SLIT2: variants seen among roughly 807,000 people sequenced by gnomAD.
SLIT2 encodes slit homolog 2 protein.
In SLIT2, 41 loss-of-function variants were observed where a neutral mutation model predicts 185.7. The ratio of observed to expected loss-of-function variants is 0.22; its 90% CI spans 0.17 to 0.29. SLIT2 has a LOEUF of 0.29. SLIT2 is among the 10% of genes least tolerant of loss of function. The pLI, the probability that SLIT2 is intolerant of heterozygous loss-of-function variation, is 1.00. For synonymous variants in SLIT2, 693 were observed against 680.2 expected (o/e 1.02, Z -0.29); for missense variants, 1,571 against 1,909.0 (o/e 0.82, Z 3.30).
At chr4:20,259,910 C>T (rs1259605250) in intron 3 of SLIT2, among the ~76,000 whole-genome samples, 1 of 151,716 alleles carries the variant, frequency 6.6e-6, no homozygotes, top group Non-Finnish European at 1.5e-5. Context: ...TTTACAACTG[C>T]CAAATCCATC....
intron 4 of SLIT2, among the ~76,000 whole-genome samples, chr4:20,438,019 A>G (rs1161331606): frequency 6.6e-6 from 1 of 151,882 alleles, no homozygotes; most frequent in Non-Finnish European, 1.5e-5. Flanking sequence ...AATACTCTAC[A>G]TTCACAATAT....
intron 20 of SLIT2, among the ~76,000 whole-genome samples, chr4:20,541,914 T>G (rs1458366631): frequency 6.6e-6 from 1 of 152,222 alleles, no homozygotes; most frequent in Non-Finnish European, 1.5e-5. Flanking sequence ...AGGCATGTTT[T>G]TTAGTACCTA....
At chr4:20,414,129 T>A (rs1023614532) in intron 4 of SLIT2, among the ~76,000 whole-genome samples, 2 of 152,170 alleles carry the variant, frequency 1.3e-5, no homozygotes, top group African/African-American at 4.8e-5. Flanking sequence ...GTTTTTATAT[T>A]TGTTTATTTT....
chr4:20,443,582 T>TAAAAAAAA (rs71653885), intron 4 of SLIT2, among the ~76,000 whole-genome samples: 13 of 63,052 alleles, frequency 2.1e-4, no homozygotes, highest in Admixed American at 7.0e-4. Flanking sequence ...GGAGAAAATC[T>TAAAAAAAA]AAAAAAAAAA....
At chr4:20,571,168 C>T (rs1725574335) in intron 29 of SLIT2, among the ~76,000 whole-genome samples, 1 of 152,118 alleles carries the variant, frequency 6.6e-6, no homozygotes, top group African/African-American at 2.4e-5. Flanking sequence ...AAGCTGTCAT[C>T]TGGGAACTTG....
intron 3 of SLIT2, among the ~76,000 whole-genome samples, chr4:20,264,145 A>C (rs1321190926): frequency 6.6e-6 from 1 of 151,932 alleles, no homozygotes; most frequent in Admixed American, 6.6e-5. Context: ...TTAAGTTATC[A>C]TTGATATCAC....
chr4:20,508,104 G>A (rs570991862), intron 9 of SLIT2, among the ~76,000 whole-genome samples: 48 of 152,004 alleles, frequency 3.2e-4, no homozygotes, highest in African/African-American at 1.2e-3. Flanking sequence ...TTATGACCTA[G>A]ATAAATAATA....
At chr4:20,269,527 C>A (rs1186087062) in intron 4 of SLIT2, among the ~76,000 whole-genome samples, 2 of 151,718 alleles carry the variant, frequency 1.3e-5, no homozygotes, top group African/African-American at 4.8e-5. Flanking sequence ...TTGCACTGAC[C>A]TAATGTGTAA....
chr4:20,519,237 C>A, intron 11 of SLIT2, 145 bp from the exon 12 acceptor site: 1 of 623,844 alleles, frequency 1.6e-6, no homozygotes. Flanking sequence ...AAGACATTTG[C>A]AAATGGAGTT....
intron 4 of SLIT2, among the ~76,000 whole-genome samples, chr4:20,355,083 A>G (rs1220840080): frequency 6.6e-6 from 1 of 152,192 alleles, no homozygotes; most frequent in Non-Finnish European, 1.5e-5. Context: ...TAAAGTTATC[A>G]AGTTTTGGTA....
At chr4:20,607,881 A>G (rs927295783) in intron 33 of SLIT2, among the ~76,000 whole-genome samples, 3 of 152,144 alleles carry the variant, frequency 2.0e-5, no homozygotes, top group African/African-American at 7.2e-5. Flanking sequence ...TCAAAGTAAA[A>G]AGGAATTCAC....
At chr4:20,510,867 A>G (rs1318818354) in intron 10 of SLIT2, among the ~76,000 whole-genome samples, 199 bp from the exon 11 acceptor site, 1 of 152,216 alleles carries the variant, frequency 6.6e-6, no homozygotes, top group Admixed American at 6.5e-5. Flanking sequence ...AGCATCTTAT[A>G]TGGGAAAGTA....
Position 20,530,058 on chromosome 4 carries a change from C to A in SLIT2, c.1613+959C>A, listed in dbSNP as rs370944386. ...TAACTAAAAATAAAGTAATGCCTTTCAAAGAGTTGACAGAAACCCACTATC... is the reference window on the plus strand; with the variant it reads ...TAACTAAAAATAAAGTAATGCCTTTAAAAGAGTTGACAGAAACCCACTATC... On this transcript the variant is annotated intron_variant, in intron 16 of 36. Coordinates refer to ENST00000504154, the MANE Select transcript of SLIT2 (RefSeq NM_004787.4). Among the ~76,000 whole-genome samples, 158 of 151,026 alleles carry A rather than the reference C, an allele frequency of 1.0e-3. 4 individuals carry two copies. The highest frequency in any genetic ancestry group is 3.6e-3 in the African/African-American group (149 of 41,150).
chr4:20,340,224 C>T (rs4697162), intron 4 of SLIT2, among the ~76,000 whole-genome samples: 132,115 of 152,202 alleles, frequency 0.87, 57,524 homozygotes, highest in African/African-American at 0.92. Flanking sequence ...CTCAAGGATT[C>T]ATTCTTTGAG....
intron 4 of SLIT2, among the ~76,000 whole-genome samples, chr4:20,370,546 T>G (rs1487898864): frequency 6.6e-6 from 1 of 152,132 alleles, no homozygotes; most frequent in Non-Finnish European, 1.5e-5. Context: ...CCTTAGCCTG[T>G]GAGACAGAGA....
At chr4:20,330,201 G>A (rs1318965124) in intron 4 of SLIT2, among the ~76,000 whole-genome samples, 1 of 152,002 alleles carries the variant, frequency 6.6e-6, no homozygotes, top group Non-Finnish European at 1.5e-5. Flanking sequence ...CAACTGGTAT[G>A]TAGATTTTTC....
chr4:20,569,970 G>A lies in SLIT2; in HGVS notation c.3088+966G>A, dbSNP rs950909888. 2.0e-5 allele frequency among the ~76,000 whole-genome samples: 3 copies of A among 152,106 alleles called. No individual in the cohort carries two copies. The South Asian group carries it at 6.2e-4, about 32-fold the overall frequency. ...ATCTGTATAATTAAATTTTCCCAGG[G>A]ATTTGTTGGAAAATTATTAAAACGG... On this transcript the variant is annotated intron_variant, in intron 29 of 36. Transcript: ENST00000504154.
At chr4:20,293,675 G>C (rs1200451147) in intron 4 of SLIT2, among the ~76,000 whole-genome samples, 1 of 152,222 alleles carries the variant, frequency 6.6e-6, no homozygotes. Flanking sequence ...TAGAGGCATA[G>C]ATGTATTAAT....
intron 4 of SLIT2, among the ~76,000 whole-genome samples, chr4:20,410,250 T>TC (rs1727126446): frequency 7.6e-6 from 1 of 130,870 alleles, no homozygotes; most frequent in Non-Finnish European, 1.6e-5. Context: ...TTTCTTTTTT[T>TC]TTTTTTTTTT....
Sources: gnomAD v4.1 joint callset for allele counts (sites outside exome capture counted in the v4.1 genomes callset) on GRCh38, gnomAD v4.1.1 for gene constraint, MANE v1.5 for transcripts, NCBI Gene and HGNC (gene_info 2026-07-23, HGNC 2026-07-21) for gene names.